KCNIP4: variants seen among roughly 807,000 people sequenced by gnomAD.
The protein encoded by KCNIP4 is potassium voltage-gated channel interacting protein 4, also known as Kv channel-interacting protein 4.
KCNIP4 carries 12 observed loss-of-function variants against 34.0 expected under a neutral mutation model. That is an observed-to-expected ratio of 0.35 (90% CI 0.23 to 0.57). The LOEUF is 0.57. Ranked by LOEUF, KCNIP4 falls within the 20% of genes least tolerant of loss-of-function variation. The pLI is 0.83. For synonymous variants in KCNIP4, 124 were observed against 102.2 expected, an observed-to-expected ratio of 1.21 and a Z score of -1.29; for missense variants, 238 against 311.7, an observed-to-expected ratio of 0.76 and a Z score of 1.78.
At chr4:21,412,160 C>T (rs1327781495) in intron 1 of KCNIP4, among the ~76,000 whole-genome samples, 2 of 152,160 alleles carry the variant, frequency 1.3e-5, no homozygotes, top group Admixed American at 1.3e-4. Flanking sequence ...ACTCAAGCCT[C>T]TAGTCTAACC....
At chr4:21,494,543 G>T (rs1007845124) in intron 1 of KCNIP4, among the ~76,000 whole-genome samples, 1 of 152,048 alleles carries the variant, frequency 6.6e-6, no homozygotes, top group Admixed American at 6.6e-5. Context: ...GGGAGGCTGA[G>T]GTGGGCGGAC....
chr4:21,688,633 T>C (rs1750997842), intron 1 of KCNIP4, among the ~76,000 whole-genome samples: 1 of 152,130 alleles, frequency 6.6e-6, no homozygotes, highest in African/African-American at 2.4e-5. Flanking sequence ...GAACAGGTGT[T>C]TAATTGATAA....
rs140809669 is a variant in KCNIP4 at position 20,946,595 on chromosome 4, G to A, written c.62-63886C>T. 3.0e-3 allele frequency among the ~76,000 whole-genome samples: 452 copies of A among 152,278 alleles called. 3 individuals are homozygous for A. The highest frequency in any genetic ancestry group is 4.6e-3 in the Non-Finnish European group (312 of 68,016). On this transcript the variant is annotated intron_variant, in intron 1 of 8. Coordinates refer to ENST00000382152, the MANE Select transcript of KCNIP4 (RefSeq NM_025221.6). ...TCTTGGAATCTCAGCACGCAGCACAGGTTAATAGACTGAAAGCAGGAAAAT... is the reference window on the plus strand; with the variant it reads ...TCTTGGAATCTCAGCACGCAGCACAAGTTAATAGACTGAAAGCAGGAAAAT...
At chr4:21,677,298 G>C (rs961310557) in intron 1 of KCNIP4, among the ~76,000 whole-genome samples, 1 of 151,986 alleles carries the variant, frequency 6.6e-6, no homozygotes, top group Admixed American at 6.5e-5. Context: ...TAATTCAAAG[G>C]GTATATAATT....
At chr4:21,299,451 G>A (rs969834852) in intron 1 of KCNIP4, among the ~76,000 whole-genome samples, 1 of 151,970 alleles carries the variant, frequency 6.6e-6, no homozygotes, top group Non-Finnish European at 1.5e-5. Flanking sequence ...GACCCTAAAG[G>A]CGGTATATGT....
chr4:21,732,153 G>A (rs1715654438), intron 1 of KCNIP4, among the ~76,000 whole-genome samples: 1 of 151,856 alleles, frequency 6.6e-6, no homozygotes, highest in Non-Finnish European at 1.5e-5. Flanking sequence ...TAGGTGTAAT[G>A]TGCCCAGTAA....
intron 1 of KCNIP4, among the ~76,000 whole-genome samples, chr4:20,981,409 G>A (rs1457211339): frequency 6.6e-6 from 1 of 152,080 alleles, no homozygotes; most frequent in Non-Finnish European, 1.5e-5. Context: ...ATTTCACATG[G>A]TATTAGCCAA....
chr4:20,987,557 TA>T (rs1336832080), intron 1 of KCNIP4, among the ~76,000 whole-genome samples: 1 of 152,106 alleles, frequency 6.6e-6, no homozygotes, highest in Admixed American at 6.5e-5. Context: ...CAAAGAAGAA[TA>T]AAAACTAAGG....
chr4:20,773,512 C>T (rs538876900), intron 3 of KCNIP4, among the ~76,000 whole-genome samples: 4 of 152,156 alleles, frequency 2.6e-5, no homozygotes, highest in Admixed American at 6.5e-5. Flanking sequence ...AGAACGCTTC[C>T]GAGGGCTCTC....
At chr4:21,125,188 C>CTTTTATT (rs71655614) in intron 1 of KCNIP4, among the ~76,000 whole-genome samples, 9 of 119,086 alleles carry the variant, frequency 7.6e-5, no homozygotes, top group African/African-American at 2.9e-4. Context: ...TTTATTTTGT[C>CTTTTATT]TTATTTTATT....
At chr4:21,937,432 G>A (rs184325435) in intron 1 of KCNIP4, among the ~76,000 whole-genome samples, 41 of 151,926 alleles carry the variant, frequency 2.7e-4, no homozygotes, top group South Asian at 4.2e-4. Context: ...TAATGGGACC[G>A]CCTCCTCATG....
intron 1 of KCNIP4, among the ~76,000 whole-genome samples, chr4:21,862,778 G>T: frequency 6.6e-6 from 1 of 152,044 alleles, no homozygotes; most frequent in East Asian, 1.9e-4. Flanking sequence ...TCGAGACCAC[G>T]GTGAAACCCT....
At position 21,727,368 on chromosome 4, in the gene KCNIP4, T is replaced by C. The variant is rs141070732; in HGVS notation, c.61+221203A>G. 8.7e-3 allele frequency among the ~76,000 whole-genome samples: 1,329 copies of C among 152,226 alleles called. 19 individuals carry two copies. The highest frequency in any genetic ancestry group is 0.039 in the South Asian group (186 of 4,820). ...GTGAGGACACAGCAAGAAAGTACTA[T>C]CTTAGAAACAGACAGCAGCCCTCAA... On this transcript the variant is annotated intron_variant, in intron 1 of 8. Transcript: ENST00000382152.
At position 20,820,849 on chromosome 4, in the gene KCNIP4, C is replaced by G. The variant is rs1717014802; in HGVS notation, c.288+29694G>C. 2.0e-5 allele frequency among the ~76,000 whole-genome samples: 3 copies of G among 152,292 alleles called. No individual in the cohort carries two copies. In the South Asian group the frequency reaches 6.2e-4, roughly 32 times the overall value. Reference sequence around the variant, plus strand: ...GCTCTTTGGCTGCTCCAGCATGGCTCAAACAGGTACAGGTTTAATGCAGGA... The same window carrying G: ...GCTCTTTGGCTGCTCCAGCATGGCTGAAACAGGTACAGGTTTAATGCAGGA... On this transcript the variant is annotated intron_variant, in intron 3 of 8. Coordinates refer to ENST00000382152, the MANE Select transcript of KCNIP4 (RefSeq NM_025221.6).
intron 1 of KCNIP4, among the ~76,000 whole-genome samples, chr4:21,695,474 C>G (rs1441784995): frequency 2.6e-5 from 4 of 151,834 alleles, no homozygotes; most frequent in African/African-American, 9.7e-5. Flanking sequence ...AAAGCAATCC[C>G]ACTTACAGTG....
Position 21,751,931 on chromosome 4 carries a change from T to TAATAGA in KCNIP4, c.61+196634_61+196639dup, listed in dbSNP as rs1380997493. 2.0e-5 allele frequency among the ~76,000 whole-genome samples: 3 copies of TAATAGA among 152,302 alleles called. No individual in the cohort carries two copies. In the South Asian group the frequency reaches 6.2e-4, roughly 32 times the overall value. ...AGTTCAAATAAAAAGGTAGCAAAACTAATAGAAACTGTCTTTCTACTGTTC... is the reference window on the plus strand; with the variant it reads ...AGTTCAAATAAAAAGGTAGCAAAACTAATAGAAATAGAAACTGTCTTTCTACTGTTC... On this transcript the variant is annotated intron_variant, in intron 1 of 8. Coordinates refer to ENST00000382152, the MANE Select transcript of KCNIP4 (RefSeq NM_025221.6).
intron 1 of KCNIP4, among the ~76,000 whole-genome samples, chr4:21,544,924 G>C (rs1457241643): frequency 6.6e-6 from 1 of 151,984 alleles, no homozygotes; most frequent in African/African-American, 2.4e-5. Context: ...TAAGTTGTCG[G>C]AGGCATTTGA....
chr4:20,803,163 C>T (rs7434827), intron 3 of KCNIP4, among the ~76,000 whole-genome samples: 2 of 148,800 alleles, frequency 1.3e-5, no homozygotes, highest in Admixed American at 1.3e-4. Flanking sequence ...CAAACCATTT[C>T]TAAGAGGAAA....
chr4:21,033,506 C>T (rs1008143193), intron 1 of KCNIP4, among the ~76,000 whole-genome samples: 42 of 152,300 alleles, frequency 2.8e-4, no homozygotes, highest in African/African-American at 1.0e-3. Flanking sequence ...TAGGGGCATG[C>T]ATACTCTTCG....
Sources: allele counts gnomAD v4.1 joint callset (sites outside exome capture counted in the v4.1 genomes callset), GRCh38; gene constraint gnomAD v4.1.1; transcripts MANE v1.5; gene names NCBI Gene and HGNC (gene_info 2026-07-23, HGNC 2026-07-21).